TMEM156: variants seen among roughly 807,000 people sequenced by gnomAD.
TMEM156 encodes the protein transmembrane protein 156.
A neutral mutation model predicts 30.5 loss-of-function variants in TMEM156; 28 were observed. That is an observed-to-expected ratio of 0.92 (90% CI 0.68 to 1.26). The LOEUF (loss-of-function observed/expected upper bound fraction) is 1.26. Among genes scored for constraint, TMEM156 ranks in the 50% most tolerant of loss-of-function variants. TMEM156 has a pLI of 0.00. For missense variants in TMEM156, 351 were observed against 340.6 expected (o/e 1.03, Z -0.24); for synonymous variants, 137 against 119.9 (o/e 1.14, Z -0.93).
At chr4:38,985,289 A>C (rs1005841535) in intron 5 of TMEM156, among the ~76,000 whole-genome samples, 3 of 152,204 alleles carry the variant, frequency 2.0e-5, no homozygotes, top group African/African-American at 7.2e-5. Context: ...CCCACATTTA[A>C]CTGGTGTCAA....
intron 5 of TMEM156, among the ~76,000 whole-genome samples, chr4:38,984,351 G>C (rs4516727): frequency 0.047 from 1,457 of 31,198 alleles, 17 homozygotes; most frequent in African/African-American, 0.21. Flanking sequence ...CTCTCTCTCT[G>C]TGTGTGTGTG....
intron 3 of TMEM156, among the ~76,000 whole-genome samples, chr4:38,992,254 G>A (rs1712518386): frequency 1.6e-5 from 2 of 122,508 alleles, no homozygotes. Flanking sequence ...TAGGTGAGGG[G>A]TCGCCCTCTT....
chr4:38,990,311 A>G (rs900993166), intron 3 of TMEM156, among the ~76,000 whole-genome samples: 1 of 152,216 alleles, frequency 6.6e-6, no homozygotes, highest in Non-Finnish European at 1.5e-5. Context: ...AAGTAGAAAA[A>G]GGGCAGAGGT....
intron 1 of TMEM156, among the ~76,000 whole-genome samples, chr4:39,003,238 C>T (rs1713504568): frequency 1.3e-5 from 2 of 152,108 alleles, no homozygotes; most frequent in South Asian, 4.2e-4. Context: ...TACTAGCCTT[C>T]TATATTTGAA....
intron 1 of TMEM156, among the ~76,000 whole-genome samples, chr4:39,000,880 C>G (rs6827027): frequency 0.27 from 41,500 of 151,868 alleles, 6,234 homozygotes; most frequent in East Asian, 0.44. Flanking sequence ...GAGTGAGACT[C>G]CATCTCAAAT....
At chr4:39,022,394 C>T (rs1218692134) in intron 1 of TMEM156, among the ~76,000 whole-genome samples, 5 of 152,166 alleles carry the variant, frequency 3.3e-5, no homozygotes, top group Admixed American at 6.6e-5. Flanking sequence ...TGTCTCCTGA[C>T]GTATGACCCA....
intron 1 of TMEM156, among the ~76,000 whole-genome samples, chr4:39,030,191 A>C (rs542504623): frequency 4.0e-5 from 6 of 151,388 alleles, no homozygotes; most frequent in African/African-American, 1.2e-4. Context: ...AAAAAAAAAA[A>C]ACAACCCATC....
chr4:38,982,568 A>G lies in TMEM156; in HGVS notation c.823+3768T>C, dbSNP rs182381397. ...TGCTCATCCGCTCTTTTTACTCTAT[A>G]CTCATTTCCCTTGAGGGTTTGCGAG... On this transcript the variant is annotated intron_variant, in intron 5 of 6. Transcript: ENST00000381938. Among the ~76,000 whole-genome samples, 102 of 152,040 alleles carry G rather than the reference A, an allele frequency of 6.7e-4. 1 individual carries two copies. Among genetic ancestry groups the G allele is most frequent in the African/African-American group, 2.4e-3 (100 of 41,432 alleles).
At position 39,032,210 on chromosome 4, in the gene TMEM156, A is replaced by G; in HGVS notation, c.88+16T>C. The G allele has an allele frequency of 6.6e-7, 1 of 1,504,510 alleles. No homozygotes were observed. Among genetic ancestry groups the G allele is most frequent in the East Asian group, 2.3e-5 (1 of 43,848 alleles). The allele number at this position is 1,504,510 out of a possible 1,614,324, so 93.2% of individuals were successfully genotyped here. A position where few individuals can be genotyped will look rare whatever the true frequency, so the allele number is the denominator to read the frequency against. Reference sequence around the variant, plus strand: ...TAAATTAAGAAAGGAAAGCTAGATTACAATTATATACTCACCTTTCGGTGT... The same window carrying G: ...TAAATTAAGAAAGGAAAGCTAGATTGCAATTATATACTCACCTTTCGGTGT... On this transcript the variant is annotated intron_variant, in intron 1 of 6. Transcript: ENST00000381938.
At chr4:39,024,848 T>C (rs1035884339) in intron 1 of TMEM156, among the ~76,000 whole-genome samples, 1 of 152,232 alleles carries the variant, frequency 6.6e-6, no homozygotes. Flanking sequence ...CATCTTTCCA[T>C]TTTATCGTAT....
rs1394744797 is a variant in TMEM156, at chr4:38,991,207, T to TTTTTC, written c.620-2242_620-2238dup. Among the ~76,000 whole-genome samples, 34 of 40,428 alleles carry TTTTTC rather than the reference T, an allele frequency of 8.4e-4. No individual in the cohort carries two copies. In the South Asian group the frequency reaches 0.018, roughly 22 times the overall value. The allele number at this position is 40,428 out of a possible 152,430, so 26.5% of individuals were successfully genotyped here. A position where few individuals can be genotyped will look rare whatever the true frequency, so the allele number is the denominator to read the frequency against. On this transcript the variant is annotated intron_variant, in intron 3 of 6. Transcript: ENST00000381938. ...AACTATGAATAAAGTTTTAACTGTC[T>TTTTTC]TTTTCTTTTCTTTTCTTTTCTTTTT...
chr4:38,979,455 T>C (rs755930431), intron 5 of TMEM156, among the ~76,000 whole-genome samples: 5 of 152,216 alleles, frequency 3.3e-5, no homozygotes, highest in Non-Finnish European at 7.3e-5. Flanking sequence ...GAACTGTGAA[T>C]TTTGATATAT....
chr4:39,018,935 CACTTGA>C (rs1247130045), intron 1 of TMEM156, among the ~76,000 whole-genome samples: 2 of 150,634 alleles, frequency 1.3e-5, no homozygotes, highest in African/African-American at 4.9e-5. Flanking sequence ...GCAGAAGAAT[CACTTGA>C]ATTTGGGAGG....
chr4:39,016,064 A>C (rs974921407), intron 1 of TMEM156, among the ~76,000 whole-genome samples: 2 of 152,148 alleles, frequency 1.3e-5, no homozygotes, highest in African/African-American at 4.8e-5. Flanking sequence ...TGGTTTATCC[A>C]TACAAATAGT....
chr4:39,031,436 G>T (rs1715496452), intron 1 of TMEM156, among the ~76,000 whole-genome samples: 1 of 152,050 alleles, frequency 6.6e-6, no homozygotes, highest in African/African-American at 2.4e-5. Flanking sequence ...ACCTTATTTT[G>T]ATTGTATTTT....
intron 5 of TMEM156, among the ~76,000 whole-genome samples, chr4:38,971,749 T>G (rs1450481244): frequency 6.6e-6 from 1 of 152,202 alleles, no homozygotes; most frequent in African/African-American, 2.4e-5. Flanking sequence ...ACATCTCTAC[T>G]TTTGATACAA....
At chr4:38,986,853 G>GAAAAAAAAAAAAAAA (rs1712036216) in intron 4 of TMEM156, among the ~76,000 whole-genome samples, 2 of 84,072 alleles carry the variant, frequency 2.4e-5, no homozygotes, top group Non-Finnish European at 4.8e-5. Flanking sequence ...AAAAAAAAAG[G>GAAAAAAAAAAAAAAA]AAAGCGACAG....
chr4:38,986,205 AGCTC>A (rs1711969657), intron 5 of TMEM156, 127 bp downstream of exon 5: 4 of 652,310 alleles, frequency 6.1e-6, no homozygotes, highest in Non-Finnish European at 1.1e-5. Context: ...ATTTGCCCAC[AGCTC>A]TGTTATTCCA....
Position 39,032,247 on chromosome 4 carries a change from C to T in TMEM156, c.67G>A (p.Glu23Lys). 6.2e-7 allele frequency: 1 copy of T among 1,607,372 alleles called. No homozygotes were observed. The highest frequency in any genetic ancestry group is 8.5e-7 in the Non-Finnish European group (1 of 1,175,716). Residue 23 changes from glutamate to lysine, a missense_variant, in exon 1 of 7, where the codon GAA becomes AAA. Transcript: ENST00000381938. Reference sequence around the variant, plus strand: ...TCACCTTTCGGTGTCTTGAAATATTCCGGCAAAATTAAAATGAATGTGATC... The same window carrying T: ...TCACCTTTCGGTGTCTTGAAATATTTCGGCAAAATTAAAATGAATGTGATC... ...IVITFILILP[E>K]YFKTPKERTL... is the part of the protein sequence containing the mutation.
Sources: allele counts gnomAD v4.1 joint callset (sites outside exome capture counted in the v4.1 genomes callset), GRCh38; gene constraint gnomAD v4.1.1; transcripts MANE v1.5; gene names NCBI Gene and HGNC (gene_info 2026-07-23, HGNC 2026-07-21).